Variants in IKZF2 observed in about 807,000 individuals in gnomAD.
The protein encoded by IKZF2 is zinc finger protein Helios.
A neutral mutation model predicts 49.2 loss-of-function variants in IKZF2; 15 were observed. That is an observed-to-expected ratio of 0.30 (90% CI 0.20 to 0.47). The LOEUF (loss-of-function observed/expected upper bound fraction) is 0.47. IKZF2 is among the 20% of genes least tolerant of loss of function. The pLI is 1.00. For missense variants in IKZF2, 567 were observed against 664.6 expected (o/e 0.85, Z 1.61); for synonymous variants, 227 against 221.4 (o/e 1.03, Z -0.23).
intron 4 of IKZF2, among the ~76,000 whole-genome samples, chr2:213,089,848 G>A (rs573960052): frequency 6.6e-6 from 1 of 152,244 alleles, no homozygotes; most frequent in Admixed American, 6.5e-5. Context: ...AATGCTTACA[G>A]TAAAGGAATG....
At chr2:213,026,045 AATAACTGTTAAGTTTT>A (rs1272402906) in intron 6 of IKZF2, among the ~76,000 whole-genome samples, 3 of 152,028 alleles carry the variant, frequency 2.0e-5, no homozygotes, top group African/African-American at 7.2e-5. Flanking sequence ...AACAACTTTC[AATAACTGTTAAGTTTT>A]ATTGAACTAA....
At chr2:213,137,524 T>C (rs1435759465) in intron 4 of IKZF2, among the ~76,000 whole-genome samples, 1 of 152,016 alleles carries the variant, frequency 6.6e-6, no homozygotes, top group Non-Finnish European at 1.5e-5. Context: ...CTAATAGAAA[T>C]AGACCTTTTA....
At chr2:213,057,785 A>G (rs1701304274) in intron 4 of IKZF2, among the ~76,000 whole-genome samples, 1 of 152,202 alleles carries the variant, frequency 6.6e-6, no homozygotes, top group South Asian at 2.1e-4. Context: ...TGAAAATCAA[A>G]GTATTCCAAC....
chr2:213,104,057 G>A (rs1036907932), intron 4 of IKZF2, among the ~76,000 whole-genome samples: 4 of 151,890 alleles, frequency 2.6e-5, no homozygotes, highest in African/African-American at 4.8e-5. Flanking sequence ...CCTCGGATTC[G>A]ATTTGCAGTA....
intron 4 of IKZF2, among the ~76,000 whole-genome samples, chr2:213,080,545 T>A (rs1025881324): frequency 3.3e-5 from 5 of 152,174 alleles, no homozygotes; most frequent in Non-Finnish European, 7.4e-5. Context: ...AACCCTCTAA[T>A]AATGTATGAC....
chr2:213,031,802 T>G (rs1356014344), intron 6 of IKZF2, among the ~76,000 whole-genome samples: 4 of 152,212 alleles, frequency 2.6e-5, no homozygotes, highest in Non-Finnish European at 5.9e-5. Flanking sequence ...TCTCTCTAAA[T>G]TTTTACACTT....
rs1694788777 is a variant in IKZF2, at chr2:213,000,387, A to G, written c.*6973T>C. ...TTGCTTCTAAAACACAAAATACCCT[A>G]GAAACTGTCAAGCAATTAGTCTTTA... On this transcript the variant is annotated 3_prime_UTR_variant, in exon 9 of 9. Transcript: ENST00000434687. 1 of 151,186 alleles carries G rather than the reference A, an allele frequency of 6.6e-6. No homozygotes were observed. The highest frequency in any genetic ancestry group is 1.5e-5 in the Non-Finnish European group (1 of 67,430). The allele number at this position is 151,186 out of a possible 1,614,324, so 9.4% of individuals were successfully genotyped here.
At chr2:213,019,648 T>G (rs1242594127) in intron 7 of IKZF2, among the ~76,000 whole-genome samples, 6 of 152,184 alleles carry the variant, frequency 3.9e-5, no homozygotes, top group Non-Finnish European at 8.8e-5. Flanking sequence ...AATATTTGTT[T>G]CTATAAATGG....
At chr2:213,120,732 TA>T (rs2060026292) in intron 4 of IKZF2, among the ~76,000 whole-genome samples, 3 of 152,160 alleles carry the variant, frequency 2.0e-5, no homozygotes, top group Non-Finnish European at 4.4e-5. Context: ...GAAATCACTT[TA>T]TCCTGCACTT....
chr2:213,149,980 G>C (rs191189819), intron 2 of IKZF2, among the ~76,000 whole-genome samples, 164 bp downstream of exon 2: 142 of 152,132 alleles, frequency 9.3e-4, no homozygotes, highest in Admixed American at 4.8e-3. Context: ...TTACAAATGA[G>C]CTTATCTCTT....
At chr2:213,048,409 A>G (rs1368267976) in intron 6 of IKZF2, among the ~76,000 whole-genome samples, 2 of 152,078 alleles carry the variant, frequency 1.3e-5, no homozygotes, top group Admixed American at 1.3e-4. Flanking sequence ...ACGAAGATCT[A>G]TTTGTTATAT....
At chr2:213,104,269 A>G (rs1317912092) in intron 4 of IKZF2, among the ~76,000 whole-genome samples, 1 of 151,674 alleles carries the variant, frequency 6.6e-6, no homozygotes, top group Non-Finnish European at 1.5e-5. Context: ...GACAAAAAAA[A>G]AAAAAAAGAA....
chr2:213,100,534 G>A (rs145106423), intron 4 of IKZF2, among the ~76,000 whole-genome samples: 5 of 152,046 alleles, frequency 3.3e-5, no homozygotes, highest in Admixed American at 1.3e-4. Context: ...TGAAAGCCAC[G>A]TATTTAACAT....
chr2:213,013,140 T>C (rs9808132), intron 8 of IKZF2, among the ~76,000 whole-genome samples: 119,016 of 151,794 alleles, frequency 0.78, 47,615 homozygotes, highest in Middle Eastern at 0.88. Flanking sequence ...AAACAAAGAT[T>C]AAAATATGAA....
At chr2:213,025,109 C>A (rs923245365) in intron 6 of IKZF2, among the ~76,000 whole-genome samples, 13 of 152,010 alleles carry the variant, frequency 8.6e-5, no homozygotes, top group African/African-American at 3.1e-4. Flanking sequence ...CTCTGTCTTC[C>A]TAATCTCTTG....
At chr2:213,123,722 T>C (rs2060130459) in intron 4 of IKZF2, among the ~76,000 whole-genome samples, 1 of 152,200 alleles carries the variant, frequency 6.6e-6, no homozygotes, top group Non-Finnish European at 1.5e-5. Context: ...ATACTTAACA[T>C]GCTTTACTTG....
intron 4 of IKZF2, among the ~76,000 whole-genome samples, chr2:213,101,234 C>A (rs1559274927): frequency 6.6e-6 from 1 of 151,906 alleles, no homozygotes; most frequent in Non-Finnish European, 1.5e-5. Context: ...ATCTCAGAAA[C>A]CATAAAAATG....
chr2:213,133,012 C>G (rs747486078), intron 4 of IKZF2, among the ~76,000 whole-genome samples: 25 of 152,150 alleles, frequency 1.6e-4, no homozygotes, highest in Non-Finnish European at 3.1e-4. Context: ...GTAAGTGATC[C>G]AGATATGTTA....
intron 4 of IKZF2, among the ~76,000 whole-genome samples, chr2:213,060,492 A>G (rs1701581507): frequency 6.6e-6 from 1 of 151,400 alleles, no homozygotes; most frequent in Non-Finnish European, 1.5e-5. Flanking sequence ...ACACAAAGAC[A>G]TCCTCATAAA....
Sources: allele counts gnomAD v4.1 joint callset (sites outside exome capture counted in the v4.1 genomes callset), GRCh38; gene constraint gnomAD v4.1.1; transcripts MANE v1.5; gene names NCBI Gene and HGNC (gene_info 2026-07-23, HGNC 2026-07-21).